AKAP10: variants seen among roughly 807,000 people sequenced by gnomAD.
AKAP10 encodes the protein A-kinase anchor protein 10, mitochondrial.
A neutral mutation model predicts 80.8 loss-of-function variants in AKAP10; 24 were observed. That is an observed-to-expected ratio of 0.30 (90% CI 0.22 to 0.42). AKAP10 has a LOEUF of 0.42. Among genes scored for constraint, AKAP10 ranks in the 10% least tolerant of loss-of-function variants. The probability of loss-of-function intolerance (pLI) is 1.00; values close to 1 mark genes in which losing one functional copy is unlikely to be tolerated. For missense variants in AKAP10, 661 were observed against 794.9 expected (o/e 0.83, Z 2.03); for synonymous variants, 291 against 277.7 (o/e 1.05, Z -0.48).
rs200205127 is a variant in AKAP10, at chr17:19,964,900, AAAC to A, written c.137-1881_137-1879del. ...ACAGAGCGAGAATCTGTCTCAGAAA[AAAC>A]AACAACAACAACAAAAAAGTAATTC... On this transcript the variant is annotated intron_variant, in intron 2 of 14. Coordinates refer to ENST00000225737, the MANE Select transcript of AKAP10 (RefSeq NM_007202.4). 6.5e-3 allele frequency among the ~76,000 whole-genome samples: 995 copies of A among 152,318 alleles called. 13 individuals carry two copies. Among genetic ancestry groups the A allele is most frequent in the African/African-American group, 0.022 (929 of 41,562 alleles).
At chr17:19,908,973 G>A (rs918846965) in intron 14 of AKAP10, among the ~76,000 whole-genome samples, 5 of 152,158 alleles carry the variant, frequency 3.3e-5, no homozygotes, top group Admixed American at 1.3e-4. Context: ...GCTCTGTTTG[G>A]TTTCCATGGT....
intron 4 of AKAP10, among the ~76,000 whole-genome samples, chr17:19,952,792 T>C (rs934204285): frequency 6.6e-6 from 1 of 151,742 alleles, no homozygotes; most frequent in Non-Finnish European, 1.5e-5. Context: ...CAAAACCAGA[T>C]AGAGCTGAAA....
chr17:19,930,805 G>A (rs752793869), intron 10 of AKAP10, among the ~76,000 whole-genome samples: 10 of 152,098 alleles, frequency 6.6e-5, no homozygotes, highest in Non-Finnish European at 1.3e-4. Flanking sequence ...CCGACTCCCT[G>A]GTTGAAGCCA....
At chr17:19,934,804 G>C (rs1023810591) in intron 9 of AKAP10, among the ~76,000 whole-genome samples, 2 of 152,308 alleles carry the variant, frequency 1.3e-5, no homozygotes, top group Admixed American at 1.3e-4. Context: ...CTTAAGGTCA[G>C]GAGTTCGAGA....
At chr17:19,908,663 T>C (rs1478034968) in intron 14 of AKAP10, among the ~76,000 whole-genome samples, 2 of 152,050 alleles carry the variant, frequency 1.3e-5, no homozygotes, top group Admixed American at 6.6e-5. Flanking sequence ...TTTTTTGAAA[T>C]GGGGTTTCGC....
chr17:19,920,593 A>AGTACTGGG (rs2042799330), intron 11 of AKAP10, among the ~76,000 whole-genome samples: 1 of 152,176 alleles, frequency 6.6e-6, no homozygotes, highest in Non-Finnish European at 1.5e-5. Flanking sequence ...CTGTAATCCC[A>AGTACTGGG]GTACTTTGGG....
chr17:19,957,467 G>A (rs1001106615), intron 4 of AKAP10, among the ~76,000 whole-genome samples: 16 of 150,008 alleles, frequency 1.1e-4, no homozygotes, highest in African/African-American at 2.8e-4. Flanking sequence ...GCATGAACCC[G>A]GAGGTTGCAG....
rs530819159 is a variant in AKAP10, at chr17:19,972,432, T to A, written c.89-3971A>T. Among the ~76,000 whole-genome samples, 7 of 152,312 alleles carry A rather than the reference T, an allele frequency of 4.6e-5. No homozygotes were observed. In the East Asian group the frequency reaches 1.4e-3, roughly 29 times the overall value. On this transcript the variant is annotated intron_variant, in intron 1 of 14. Transcript: ENST00000225737. Reference sequence around the variant, plus strand: ...AGTATCTTAGGTATACTTTATTGTATGAAAGTTTTAGGTTTTTTGCTTTGT... The same window carrying A: ...AGTATCTTAGGTATACTTTATTGTAAGAAAGTTTTAGGTTTTTTGCTTTGT...
At chr17:19,919,724 T>C (rs2042789807) in intron 12 of AKAP10, among the ~76,000 whole-genome samples, 1 of 151,540 alleles carries the variant, frequency 6.6e-6, no homozygotes, top group Non-Finnish European at 1.5e-5. Context: ...TTTAATAAAA[T>C]AAACGGTCTC....
chr17:19,956,791 G>C (rs1405905792), intron 4 of AKAP10, among the ~76,000 whole-genome samples: 1 of 151,412 alleles, frequency 6.6e-6, no homozygotes. Context: ...GGTCACTTGA[G>C]GTCAGGAGTT....
At chr17:19,970,625 C>T (rs534846677) in intron 1 of AKAP10, among the ~76,000 whole-genome samples, 28 of 152,232 alleles carry the variant, frequency 1.8e-4, no homozygotes, top group Admixed American at 1.6e-3. Flanking sequence ...GAGTTCGAGA[C>T]CAGCCTTGCC....
chr17:19,949,048 TA>T (rs1016565623), intron 4 of AKAP10, among the ~76,000 whole-genome samples: 1 of 152,122 alleles, frequency 6.6e-6, no homozygotes, highest in Non-Finnish European at 1.5e-5. Context: ...AATTGTCATA[TA>T]AAGAACCAGA....
intron 1 of AKAP10, among the ~76,000 whole-genome samples, chr17:19,970,706 C>T (rs1482312716): frequency 6.6e-6 from 1 of 152,006 alleles, no homozygotes; most frequent in African/African-American, 2.4e-5. Context: ...ACCTGTAGTC[C>T]CAGCTACTTA....
chr17:19,918,779 A>G (rs1253504841), intron 12 of AKAP10, among the ~76,000 whole-genome samples: 1 of 152,236 alleles, frequency 6.6e-6, no homozygotes. Flanking sequence ...CTTCCTGTGT[A>G]AACCAGGAAG....
chr17:19,936,677 C>A (rs2042996152), intron 8 of AKAP10, among the ~76,000 whole-genome samples: 1 of 152,206 alleles, frequency 6.6e-6, no homozygotes, highest in Non-Finnish European at 1.5e-5. Flanking sequence ...GTGAACTCTA[C>A]TGTTGTTTAA....
chr17:19,909,327 G>A (rs759179599), intron 13 of AKAP10, 51 bp from the exon 14 acceptor site: 15 of 1,470,974 alleles, frequency 1.0e-5, no homozygotes, highest in Non-Finnish European at 1.2e-5. Context: ...TAGATGGATC[G>A]AGATGCACAT....
At chr17:19,914,275 C>T (rs1261064216) in intron 12 of AKAP10, among the ~76,000 whole-genome samples, 1 of 152,142 alleles carries the variant, frequency 6.6e-6, no homozygotes, top group Non-Finnish European at 1.5e-5. Context: ...ATTGAGATTA[C>T]AGGTGTGAGG....
chr17:19,927,698 G>A (rs1427460189), intron 10 of AKAP10, among the ~76,000 whole-genome samples: 1 of 152,044 alleles, frequency 6.6e-6, no homozygotes, highest in Non-Finnish European at 1.5e-5. Context: ...ATCACCTGAG[G>A]TCAGGAGTTG....
intron 3 of AKAP10, among the ~76,000 whole-genome samples, chr17:19,960,500 A>G (rs998606605): frequency 2.0e-5 from 3 of 152,180 alleles, no homozygotes; most frequent in Non-Finnish European, 4.4e-5. Flanking sequence ...TTCCCTTGAT[A>G]TTCATCCAGG....
Sources: gnomAD v4.1 joint callset for allele counts (sites outside exome capture counted in the v4.1 genomes callset) on GRCh38, gnomAD v4.1.1 for gene constraint, MANE v1.5 for transcripts, NCBI Gene and HGNC (gene_info 2026-07-23, HGNC 2026-07-21) for gene names.